ACBD6: variants seen among roughly 807,000 people sequenced by gnomAD.
ACBD6 encodes acyl-CoA-binding domain-containing protein 6.
Under a neutral mutation model 37.2 loss-of-function variants are expected in ACBD6, and 28 were observed. The ratio of observed to expected loss-of-function variants is 0.75; its 90% CI spans 0.56 to 1.03. The LOEUF (loss-of-function observed/expected upper bound fraction) is 1.03. Among genes scored for constraint, ACBD6 ranks in the 50% least tolerant of loss-of-function variants. The pLI is 0.00. For synonymous variants in ACBD6, 113 were observed against 126.8 expected, an observed-to-expected ratio of 0.89 and a Z score of 0.73; for missense variants, 340 against 337.4, an observed-to-expected ratio of 1.01 and a Z score of -0.06.
At chr1:180,448,627 C>A (rs1649570657) in intron 3 of ACBD6, among the ~76,000 whole-genome samples, 1 of 152,068 alleles carries the variant, frequency 6.6e-6, no homozygotes, top group Admixed American at 6.6e-5. Context: ...AGCTTAGAGC[C>A]CAGGCAGCTC....
At chr1:180,407,340 C>G (rs1398171373) in intron 5 of ACBD6, among the ~76,000 whole-genome samples, 1 of 152,218 alleles carries the variant, frequency 6.6e-6, no homozygotes, top group African/African-American at 2.4e-5. Flanking sequence ...ACTGGAAGAT[C>G]TGGAAAGCAG....
chr1:180,367,656 CCTG>C (rs1653099602), intron 6 of ACBD6, among the ~76,000 whole-genome samples: 1 of 152,140 alleles, frequency 6.6e-6, no homozygotes, highest in Admixed American at 6.5e-5. Context: ...GTTTTCTATT[CCTG>C]CATTAGTTTG....
intron 4 of ACBD6, among the ~76,000 whole-genome samples, chr1:180,420,759 C>G (rs763881360): frequency 6.6e-6 from 1 of 152,266 alleles, no homozygotes; most frequent in East Asian, 1.9e-4. Flanking sequence ...ACCAAAAGAC[C>G]AGAAGACGGT....
chr1:180,409,582 T>C (rs1359179389), intron 5 of ACBD6, among the ~76,000 whole-genome samples: 1 of 152,212 alleles, frequency 6.6e-6, no homozygotes, highest in Non-Finnish European at 1.5e-5. Flanking sequence ...GTTAGGGTAA[T>C]GATCAGTGAT....
intron 6 of ACBD6, among the ~76,000 whole-genome samples, chr1:180,319,355 A>T (rs182898333): frequency 1.2e-4 from 19 of 152,240 alleles, no homozygotes; most frequent in Non-Finnish European, 1.9e-4. Flanking sequence ...TTAAACTCAA[A>T]ATTTTTTAAT....
chr1:180,339,664 T>A (rs949766475), intron 6 of ACBD6, among the ~76,000 whole-genome samples: 43 of 152,204 alleles, frequency 2.8e-4, no homozygotes, highest in African/African-American at 1.0e-3. Context: ...ACATGCACCC[T>A]AAAACTTAAA....
chr1:180,413,345 A>T, intron 5 of ACBD6, 21 bp downstream of exon 5: 1 of 1,587,808 alleles, frequency 6.3e-7, no homozygotes, highest in South Asian at 1.1e-5. Context: ...GAAAATAATT[A>T]ACAGGGCATG....
chr1:180,418,528 A>G (rs375517889), intron 4 of ACBD6, among the ~76,000 whole-genome samples: 1 of 152,074 alleles, frequency 6.6e-6, no homozygotes, highest in South Asian at 2.1e-4. Flanking sequence ...ACAGTGAGCT[A>G]TAATCACACC....
At chr1:180,285,732 T>G (rs1571316478), downstream of ACBD6, among the ~76,000 whole-genome samples, 1 of 152,174 alleles carries the variant, frequency 6.6e-6, no homozygotes, top group East Asian at 1.9e-4. Flanking sequence ...TAGTTAAATC[T>G]GGCAGGAAGC....
chr1:180,384,585 G>A (rs1374208182), intron 6 of ACBD6, among the ~76,000 whole-genome samples: 1 of 151,660 alleles, frequency 6.6e-6, no homozygotes, highest in African/African-American at 2.4e-5. Context: ...TGGGGCAACA[G>A]TATGAAGATT....
intron 6 of ACBD6, among the ~76,000 whole-genome samples, chr1:180,348,754 A>T (rs1256149814): frequency 6.6e-6 from 1 of 152,102 alleles, no homozygotes; most frequent in East Asian, 1.9e-4. Context: ...AGTCTAATTC[A>T]TTTTTTTGAT....
At chr1:180,288,654 C>G (rs1649580916) in intron 7 of ACBD6, 137 bp from the exon 8 acceptor site, 5 of 1,085,272 alleles carry the variant, frequency 4.6e-6, no homozygotes, top group East Asian at 2.6e-5. Flanking sequence ...GAAGGATGGT[C>G]AGGCCTGGTA....
chr1:180,482,065 A>G (rs559399319), intron 3 of ACBD6, among the ~76,000 whole-genome samples: 2 of 152,338 alleles, frequency 1.3e-5, no homozygotes, highest in East Asian at 3.9e-4. Context: ...ATAGTCAACA[A>G]AAATTAGATA....
At chr1:180,305,803 G>C (rs1334810517) in intron 7 of ACBD6, among the ~76,000 whole-genome samples, 1 of 152,090 alleles carries the variant, frequency 6.6e-6, no homozygotes, top group African/African-American at 2.4e-5. Flanking sequence ...ACATGCACAT[G>C]TATGTTTATT....
At chr1:180,399,680 T>C (rs1324609416) in intron 5 of ACBD6, among the ~76,000 whole-genome samples, 8 of 152,212 alleles carry the variant, frequency 5.3e-5, no homozygotes, top group Non-Finnish European at 1.0e-4. Flanking sequence ...GACCTGCTGT[T>C]ACTAGGGCTC....
exon 14 of ACBD6, chr1:180,271,641 C>A: frequency 2.7e-6 from 4 of 1,454,738 alleles, no homozygotes; most frequent in Non-Finnish European, 3.8e-6. Context: ...CAGGGCTTGA[C>A]CCCAGGGCTT....
intron 3 of ACBD6, among the ~76,000 whole-genome samples, chr1:180,474,982 T>C (rs534677809): frequency 4.6e-5 from 7 of 152,314 alleles, no homozygotes; most frequent in South Asian, 2.1e-4. Context: ...AACATGTATA[T>C]AGAAAAATGT....
chr1:180,439,319 T>G, intron 3 of ACBD6, among the ~76,000 whole-genome samples: 1 of 152,110 alleles, frequency 6.6e-6, no homozygotes, highest in Admixed American at 6.5e-5. Flanking sequence ...GTGTGGGGGC[T>G]CACGCCTGTA....
chr1:180,329,550 T>C (rs1226257536), intron 6 of ACBD6, among the ~76,000 whole-genome samples: 8 of 152,020 alleles, frequency 5.3e-5, no homozygotes, highest in Admixed American at 3.9e-4. Context: ...AGCTTTATTA[T>C]AGATCTGTGT....
Sources: allele counts gnomAD v4.1 joint callset (sites outside exome capture counted in the v4.1 genomes callset), GRCh38; gene constraint gnomAD v4.1.1; transcripts MANE v1.5; gene names NCBI Gene and HGNC (gene_info 2026-07-23, HGNC 2026-07-21).